STARD13: variants seen among roughly 807,000 people sequenced by gnomAD.
STARD13 encodes StAR related lipid transfer domain containing 13.
STARD13 carries 62 observed loss-of-function variants against 106.4 expected under a neutral mutation model. That is an observed-to-expected ratio of 0.58 (90% CI 0.48 to 0.72). The LOEUF is 0.72. STARD13 is among the 30% of genes least tolerant of loss of function. STARD13 has a pLI of 0.00. For missense variants in STARD13, 1,387 were observed against 1,424.0 expected (o/e 0.97, Z 0.42); for synonymous variants, 565 against 553.0 (o/e 1.02, Z -0.31).
Position 33,341,585 on chromosome 13 carries a change from C to T in STARD13, c.124+8705G>A, listed in dbSNP as rs1174288528. 4.1e-5 allele frequency among the ~76,000 whole-genome samples: 6 copies of T among 146,730 alleles called. No individual in the cohort carries two copies. The East Asian group carries it at 1.0e-3, about 24-fold the overall frequency. ...CAGCCTGGGCGACAGAGCGAGACTCCGTCTCCAAAAAAAAAAAAAAAGAAG... is the reference window on the plus strand; with the variant it reads ...CAGCCTGGGCGACAGAGCGAGACTCTGTCTCCAAAAAAAAAAAAAAAGAAG... On this transcript the variant is annotated intron_variant, in intron 1 of 5. Transcript: ENST00000567873.
At chr13:33,567,872 A>T in the STARD13 span, among the ~76,000 whole-genome samples, 1 of 148,006 alleles carries the variant, frequency 6.8e-6, no homozygotes, top group Admixed American at 7.0e-5. Flanking sequence ...AAGTTCCTCC[A>T]TTATAACCAC....
chr13:33,377,147 G>A, the STARD13 span, among the ~76,000 whole-genome samples: 1 of 152,030 alleles, frequency 6.6e-6, no homozygotes, highest in Non-Finnish European at 1.5e-5. Context: ...TGCTCCTAGA[G>A]GCTTGGAACA....
the STARD13 span, among the ~76,000 whole-genome samples, chr13:33,507,632 T>C: frequency 1.3e-5 from 2 of 152,146 alleles, no homozygotes; most frequent in Admixed American, 1.3e-4. Flanking sequence ...CCCCCAACAC[T>C]GTCAAAAATC....
chr13:33,583,836 C>T, the STARD13 span, among the ~76,000 whole-genome samples: 1 of 135,626 alleles, frequency 7.4e-6, no homozygotes. Context: ...TCTCGCTCAG[C>T]ACCATGCCTG....
At chr13:33,296,873 C>T (rs1434578003) in intron 1 of STARD13, among the ~76,000 whole-genome samples, 1 of 152,226 alleles carries the variant, frequency 6.6e-6, no homozygotes, top group Non-Finnish European at 1.5e-5. Flanking sequence ...CCTGCCTCAG[C>T]CTCCCAAAGT....
At chr13:33,546,986 G>A in the STARD13 span, among the ~76,000 whole-genome samples, 1 of 152,002 alleles carries the variant, frequency 6.6e-6, no homozygotes, top group Non-Finnish European at 1.5e-5. Flanking sequence ...ATAAAATGTT[G>A]AAATATATTT....
the STARD13 span, among the ~76,000 whole-genome samples, chr13:33,563,646 G>C: frequency 2.0e-5 from 3 of 147,438 alleles, no homozygotes; most frequent in South Asian, 2.2e-4. Flanking sequence ...TTGGGGAAAT[G>C]CTTCAGGACA....
chr13:33,630,018 A>G, the STARD13 span, among the ~76,000 whole-genome samples: 1 of 152,240 alleles, frequency 6.6e-6, no homozygotes, highest in East Asian at 1.9e-4. Context: ...TATAATTTAC[A>G]TAATATGTTC....
At chr13:33,274,209 G>C (rs1218460430) in intron 1 of STARD13, among the ~76,000 whole-genome samples, 1 of 151,802 alleles carries the variant, frequency 6.6e-6, no homozygotes, top group East Asian at 1.9e-4. Flanking sequence ...CAATACCTTA[G>C]AGTGTGAGTA....
the STARD13 span, among the ~76,000 whole-genome samples, chr13:33,670,973 A>G: frequency 6.6e-6 from 1 of 152,366 alleles, no homozygotes; most frequent in South Asian, 2.1e-4. Flanking sequence ...CAATTTGACA[A>G]AAAGCAATTT....
At chr13:33,584,100 A>G in the STARD13 span, among the ~76,000 whole-genome samples, 1 of 152,196 alleles carries the variant, frequency 6.6e-6, no homozygotes, top group Non-Finnish European at 1.5e-5. Context: ...ACAAGGGTTC[A>G]ATTTCTCCAT....
At chr13:33,595,759 G>A in the STARD13 span, among the ~76,000 whole-genome samples, 3 of 152,122 alleles carry the variant, frequency 2.0e-5, no homozygotes, top group African/African-American at 4.8e-5. Flanking sequence ...GCATGGCATG[G>A]TTTTTAGCAA....
At chr13:33,623,107 A>G in the STARD13 span, among the ~76,000 whole-genome samples, 5 of 152,062 alleles carry the variant, frequency 3.3e-5, no homozygotes, top group Admixed American at 6.6e-5. Context: ...CAAAAGTAAA[A>G]TAAAATAAAA....
At chr13:33,494,804 A>G in the STARD13 span, among the ~76,000 whole-genome samples, 32 of 152,266 alleles carry the variant, frequency 2.1e-4, no homozygotes, top group Non-Finnish European at 4.3e-4. Context: ...GAGAGATTAT[A>G]TGATACACTC....
the STARD13 span, among the ~76,000 whole-genome samples, chr13:33,643,958 G>A: frequency 1.3e-5 from 2 of 152,194 alleles, no homozygotes; most frequent in Non-Finnish European, 2.9e-5. Flanking sequence ...GAGATATCTG[G>A]CTGCTCCTCC....
the STARD13 span, among the ~76,000 whole-genome samples, chr13:33,489,077 G>C: frequency 7.9e-5 from 12 of 152,026 alleles, no homozygotes; most frequent in Admixed American, 6.6e-4. Flanking sequence ...TTCACACCCT[G>C]CCTAAATGAT....
At chr13:33,360,726 A>ATTCCTTCTGTGTAGACAGAAGGAATC in the STARD13 span, among the ~76,000 whole-genome samples, 12 of 134,624 alleles carry the variant, frequency 8.9e-5, no homozygotes, top group East Asian at 2.4e-4. Flanking sequence ...AGACAGAAGG[A>ATTCCTTCTGTGTAGACAGAAGGAATC]CATATTGTTG....
the STARD13 span, among the ~76,000 whole-genome samples, chr13:33,538,084 T>C: frequency 3.9e-5 from 6 of 152,200 alleles, no homozygotes; most frequent in East Asian, 1.9e-4. Context: ...AAAATGAGCC[T>C]ATCTTTATTA....
At chr13:33,178,015 G>GAAGGAAGGA (rs1884871417) in intron 1 of STARD13, among the ~76,000 whole-genome samples, 1 of 41,792 alleles carries the variant, frequency 2.4e-5, no homozygotes, top group African/African-American at 9.0e-5. Context: ...GGAAGGAAAG[G>GAAGGAAGGA]AAGGAAGGAA....
Sources: gnomAD v4.1 joint callset for allele counts (sites outside exome capture counted in the v4.1 genomes callset) on GRCh38, gnomAD v4.1.1 for gene constraint, MANE v1.5 for transcripts, NCBI Gene and HGNC (gene_info 2026-07-23, HGNC 2026-07-21) for gene names.